The following RBFOX1 variants were observed in gnomAD, a reference collection of about 807,000 sequenced individuals.
The protein encoded by RBFOX1 is RNA binding protein fox-1 homolog 1.
In RBFOX1, 8 loss-of-function variants were observed where a neutral mutation model predicts 57.7. That is an observed-to-expected ratio of 0.14 (90% CI 0.08 to 0.25). The LOEUF is 0.25. Among genes scored for constraint, RBFOX1 ranks in the 10% least tolerant of loss-of-function variants. The probability of loss-of-function intolerance (pLI) is 1.00; values close to 1 mark genes in which losing one functional copy is unlikely to be tolerated. For missense variants in RBFOX1, 611 were observed against 548.5 expected (o/e 1.11, Z -1.14); for synonymous variants, 326 against 222.4 (o/e 1.47, Z -4.15).
intron 3 of RBFOX1, among the ~76,000 whole-genome samples, chr16:6,760,147 T>C (rs914352855): frequency 1.3e-5 from 2 of 151,984 alleles, no homozygotes; most frequent in Admixed American, 1.3e-4. Flanking sequence ...GAAAAAAAAA[T>C]GTACGTACAC....
At chr16:7,481,316 T>C (rs2063886083) in intron 4 of RBFOX1, among the ~76,000 whole-genome samples, 3 of 152,220 alleles carry the variant, frequency 2.0e-5, no homozygotes, top group Admixed American at 2.0e-4. Context: ...ATATAATGTG[T>C]AAACTTGTGG....
intron 1 of RBFOX1, among the ~76,000 whole-genome samples, chr16:6,196,489 C>T (rs771937728): frequency 1.6e-4 from 25 of 152,200 alleles, no homozygotes; most frequent in Non-Finnish European, 2.9e-4. Context: ...CTTTTATTAA[C>T]GATAAATAAT....
chr16:6,624,551 G>A (rs2154049931), intron 2 of RBFOX1, among the ~76,000 whole-genome samples: 1 of 152,186 alleles, frequency 6.6e-6, no homozygotes, highest in East Asian at 1.9e-4. Context: ...TTTGTCCCTT[G>A]GCAGTGAGGA....
chr16:6,977,087 ATT>A lies in RBFOX1; in HGVS notation c.-15-74967_-15-74966del, dbSNP rs559061147. 5.3e-3 allele frequency among the ~76,000 whole-genome samples: 753 copies of A among 141,512 alleles called. 12 individuals carry two copies. Among genetic ancestry groups the A allele is most frequent in the African/African-American group, 0.018 (718 of 39,096 alleles). The allele number at this position is 141,512 out of a possible 152,430, so 92.8% of individuals were successfully genotyped here. A position where few individuals can be genotyped will look rare whatever the true frequency, so the allele number is the denominator to read the frequency against. On this transcript the variant is annotated intron_variant, in intron 3 of 15. Coordinates refer to ENST00000550418, the MANE Select transcript of RBFOX1 (RefSeq NM_018723.4). ...ATATACTTTATCATATATGATCTAT[ATT>A]TTATATATATATCATATATATGATC...
chr16:6,828,772 T>G (rs1417259745), intron 3 of RBFOX1, among the ~76,000 whole-genome samples: 1 of 152,104 alleles, frequency 6.6e-6, no homozygotes, highest in Non-Finnish European at 1.5e-5. Flanking sequence ...ACCAGCACCA[T>G]GAATTCCGAG....
chr16:6,983,395 A>G (rs1314380206), intron 3 of RBFOX1, among the ~76,000 whole-genome samples: 8 of 151,506 alleles, frequency 5.3e-5, no homozygotes, highest in Non-Finnish European at 1.0e-4. Flanking sequence ...GTGGGAGAAT[A>G]TCGAGAATGA....
chr16:7,518,261 C>G lies in RBFOX1; in HGVS notation c.142C>G (p.Pro48Ala). The G allele has an allele frequency of 1.2e-6, 2 of 1,614,158 alleles. No homozygotes were observed. Among genetic ancestry groups the G allele is most frequent in the African/African-American group, 2.7e-5 (2 of 75,040 alleles). ...GGAATACACGGCCCCTCATCCCCAC[C>G]CCGCGCCAGAGTACACAGGCCAGAC... is the stretch of plus-strand genomic sequence containing the variant. The part of the protein sequence containing the change: ...PAEYTAPHPH[P>A]APEYTGQTTV... Residue 48 changes from proline (P) to alanine (A), a missense_variant, in exon 5 of 16, where the codon CCC becomes GCC. Pro to Ala is a conservative substitution (Grantham distance 27, BLOSUM62 -1). Transcript: ENST00000550418.
chr16:5,376,172 GAAA>G (rs796746799), intron 1 of RBFOX1, among the ~76,000 whole-genome samples: 11 of 99,468 alleles, frequency 1.1e-4, no homozygotes, highest in African/African-American at 3.8e-4. Flanking sequence ...TGTCTCAAAA[GAAA>G]AAAAAAAAAA....
At position 5,286,006 on chromosome 16, in the gene RBFOX1, G is replaced by A. The variant is rs534607105; in HGVS notation, c.219+45901G>A. Among the ~76,000 whole-genome samples the A allele has an allele frequency of 1.2e-4, 18 of 152,214 alleles. 1 individual carries two copies. Among genetic ancestry groups the A allele is most frequent in the Admixed American group, 1.1e-3 (17 of 15,292 alleles). On this transcript the variant is annotated intron_variant, in intron 1 of 2. Transcript: ENST00000585867. ...GGGCTGGTCTCGAACTCCTCACCTC[G>A]TGATCTGCCCACATCGGCCTCCCAA...
intron 1 of RBFOX1, among the ~76,000 whole-genome samples, chr16:5,466,138 G>T (rs2068945904): frequency 6.6e-6 from 1 of 152,328 alleles, no homozygotes; most frequent in Non-Finnish European, 1.5e-5. Flanking sequence ...TTCAATTCTG[G>T]AATACGGCAG....
chr16:7,573,641 C>T (rs1481845016), intron 5 of RBFOX1, among the ~76,000 whole-genome samples: 1 of 152,002 alleles, frequency 6.6e-6, no homozygotes, highest in Non-Finnish European at 1.5e-5. Context: ...TGAGGCCAGC[C>T]TGGCCAACAT....
At chr16:7,523,391 C>A (rs1252986907) in intron 5 of RBFOX1, among the ~76,000 whole-genome samples, 2 of 152,152 alleles carry the variant, frequency 1.3e-5, no homozygotes, top group African/African-American at 4.8e-5. Context: ...GTGAGGAGTT[C>A]CATCTACATT....
chr16:5,653,984 C>A (rs190097862), intron 3 of RBFOX1, among the ~76,000 whole-genome samples: 1 of 152,220 alleles, frequency 6.6e-6, no homozygotes, highest in Non-Finnish European at 1.5e-5. Flanking sequence ...CGGCCACTCA[C>A]GCAGCAGGGT....
intron 3 of RBFOX1, among the ~76,000 whole-genome samples, chr16:6,746,409 G>A (rs563837088): frequency 1.3e-5 from 2 of 152,276 alleles, no homozygotes; most frequent in Admixed American, 1.3e-4. Context: ...GGGCATGGTG[G>A]CTCACACCTG....
intron 4 of RBFOX1, among the ~76,000 whole-genome samples, chr16:7,235,749 C>T (rs1175900763): frequency 1.3e-5 from 2 of 152,032 alleles, no homozygotes; most frequent in African/African-American, 2.4e-5. Context: ...TAAGGGTTGA[C>T]CAAAAATTGT....
chr16:6,417,316 T>G (rs2093650520), intron 2 of RBFOX1, among the ~76,000 whole-genome samples: 1 of 151,736 alleles, frequency 6.6e-6, no homozygotes, highest in African/African-American at 2.4e-5. Flanking sequence ...GGCTGAATTT[T>G]CACCTTTCTT....
At chr16:6,277,320 G>T (rs541129396) in intron 1 of RBFOX1, among the ~76,000 whole-genome samples, 50 of 151,674 alleles carry the variant, frequency 3.3e-4, no homozygotes, top group African/African-American at 1.2e-3. Flanking sequence ...ACTTAGCCAG[G>T]TGTGATGGTG....
chr16:7,113,420 T>G (rs2065212225), intron 4 of RBFOX1, among the ~76,000 whole-genome samples: 1 of 152,228 alleles, frequency 6.6e-6, no homozygotes, highest in Non-Finnish European at 1.5e-5. Context: ...CTTTCTCATC[T>G]ACTTGCCATG....
intron 4 of RBFOX1, among the ~76,000 whole-genome samples, chr16:5,977,435 C>T (rs1383376045): frequency 1.3e-5 from 2 of 152,268 alleles, no homozygotes; most frequent in African/African-American, 4.8e-5. Context: ...CCCAGGGAAA[C>T]CTGTGTGTGC....
Sources: gnomAD v4.1 joint callset for allele counts (sites outside exome capture counted in the v4.1 genomes callset) on GRCh38, gnomAD v4.1.1 for gene constraint, MANE v1.5 for transcripts, NCBI Gene and HGNC (gene_info 2026-07-23, HGNC 2026-07-21) for gene names.